Variants in KAZN observed in about 807,000 individuals in gnomAD.
The protein encoded by KAZN is kazrin.
A neutral mutation model predicts 87.4 loss-of-function variants in KAZN; 40 were observed. That is an observed-to-expected ratio of 0.46 (90% CI 0.36 to 0.60). The LOEUF (loss-of-function observed/expected upper bound fraction) is 0.60. KAZN is among the 20% of genes least tolerant of loss of function. KAZN has a pLI of 0.00. For missense variants in KAZN, 898 were observed against 1,073.9 expected, an observed-to-expected ratio of 0.84 and a Z score of 2.29; for synonymous variants, 466 against 458.3, an observed-to-expected ratio of 1.02 and a Z score of -0.22.
intron 1 of KAZN, among the ~76,000 whole-genome samples, chr1:14,084,612 G>C (rs1416349533): frequency 6.6e-6 from 1 of 151,802 alleles, no homozygotes; most frequent in Non-Finnish European, 1.5e-5. Flanking sequence ...CAATATAATA[G>C]TGGTGGAACC....
intron 1 of KAZN, among the ~76,000 whole-genome samples, chr1:14,921,493 T>C (rs1658519561): frequency 6.6e-6 from 1 of 152,218 alleles, no homozygotes; most frequent in Non-Finnish European, 1.5e-5. Context: ...TCCATATTCC[T>C]AGTAGTTCTA....
chr1:13,946,956 C>CAG (rs946092944), intron 1 of KAZN, among the ~76,000 whole-genome samples: 4 of 152,158 alleles, frequency 2.6e-5, no homozygotes, highest in African/African-American at 9.7e-5. Flanking sequence ...AGTGGGGCTG[C>CAG]ATTCTCTCTG....
At chr1:15,038,141 C>T (rs961916903) in intron 3 of KAZN, among the ~76,000 whole-genome samples, 1 of 152,084 alleles carries the variant, frequency 6.6e-6, no homozygotes, top group African/African-American at 2.4e-5. Context: ...GTAGTCCCAG[C>T]TACTTGGGAG....
intron 2 of KAZN, among the ~76,000 whole-genome samples, chr1:14,383,891 T>C (rs1242534438): frequency 6.6e-6 from 1 of 151,980 alleles, no homozygotes; most frequent in African/African-American, 2.4e-5. Flanking sequence ...ATTGAATCTG[T>C]AAATTACCTT....
chr1:14,694,212 C>T (rs571987904), intron 1 of KAZN, among the ~76,000 whole-genome samples: 132 of 152,362 alleles, frequency 8.7e-4, no homozygotes, highest in African/African-American at 3.1e-3. Context: ...GACCCCTCCA[C>T]CTCATCAGCT....
chr1:14,124,567 T>G (rs1644821527), intron 1 of KAZN, among the ~76,000 whole-genome samples: 1 of 152,228 alleles, frequency 6.6e-6, no homozygotes, highest in Admixed American at 6.5e-5. Flanking sequence ...ACCCACATTT[T>G]GATTTAAACT....
intron 1 of KAZN, among the ~76,000 whole-genome samples, chr1:13,940,592 A>G (rs1570339633): frequency 6.6e-6 from 1 of 152,220 alleles, no homozygotes; most frequent in South Asian, 2.1e-4. Context: ...AGAATACATA[A>G]AAAAGAATCA....
chr1:14,419,641 T>C (rs940673640), intron 2 of KAZN, among the ~76,000 whole-genome samples: 6 of 152,228 alleles, frequency 3.9e-5, no homozygotes, highest in Non-Finnish European at 7.3e-5. Flanking sequence ...TTGTTCCTTC[T>C]GATTTTCGGA....
intron 2 of KAZN, among the ~76,000 whole-genome samples, chr1:14,302,613 G>T (rs1431313770): frequency 1.3e-5 from 2 of 152,144 alleles, no homozygotes; most frequent in African/African-American, 4.8e-5. Context: ...TGGACTCCAT[G>T]AAATTACATG....
chr1:14,569,320 C>CTCTTTTTTTTT (rs1674719810), intron 2 of KAZN, among the ~76,000 whole-genome samples: 1 of 92,328 alleles, frequency 1.1e-5, no homozygotes, highest in Non-Finnish European at 1.9e-5. Context: ...ACTTCCTCTG[C>CTCTTTTTTTTT]TTTTTTTTTT....
intron 2 of KAZN, among the ~76,000 whole-genome samples, chr1:14,245,025 A>T (rs557896693): frequency 5.9e-5 from 9 of 151,890 alleles, no homozygotes; most frequent in African/African-American, 2.2e-4. Context: ...CAGTGGCGAG[A>T]TCTCGGCTCA....
chr1:14,455,404 T>C (rs1447121525), intron 2 of KAZN, among the ~76,000 whole-genome samples: 1 of 152,216 alleles, frequency 6.6e-6, no homozygotes, highest in East Asian at 1.9e-4. Context: ...CTTTCCATCC[T>C]GTATTACAGA....
chr1:13,961,327 G>A (rs999368594), intron 1 of KAZN, among the ~76,000 whole-genome samples: 4 of 152,184 alleles, frequency 2.6e-5, no homozygotes, highest in African/African-American at 9.7e-5. Flanking sequence ...ACATGCACAT[G>A]TACAAATTCC....
intron 1 of KAZN, among the ~76,000 whole-genome samples, chr1:14,797,368 C>T (rs1645861391): frequency 6.6e-6 from 1 of 152,150 alleles, no homozygotes; most frequent in East Asian, 1.9e-4. Flanking sequence ...GCCTATGGTG[C>T]TGTTTTTAAT....
At chr1:13,993,882 G>A (rs1639393866) in intron 1 of KAZN, among the ~76,000 whole-genome samples, 1 of 152,166 alleles carries the variant, frequency 6.6e-6, no homozygotes, top group African/African-American at 2.4e-5. Flanking sequence ...TTTTAAAAAT[G>A]GAGTCATAGT....
At chr1:14,740,854 A>G (rs550153010) in intron 1 of KAZN, among the ~76,000 whole-genome samples, 2 of 152,300 alleles carry the variant, frequency 1.3e-5, no homozygotes, top group African/African-American at 4.8e-5. Context: ...TCCAATTACT[A>G]ACTGTAGGAA....
intron 2 of KAZN, among the ~76,000 whole-genome samples, chr1:15,019,293 G>A (rs59514918): frequency 3.3e-5 from 5 of 152,186 alleles, no homozygotes; most frequent in Non-Finnish European, 7.4e-5. Flanking sequence ...ATTAAGAGCA[G>A]GGGGCTCAGA....
At chr1:14,514,621 A>T (rs1465001863) in intron 2 of KAZN, among the ~76,000 whole-genome samples, 1,010 of 43,612 alleles carry the variant, frequency 0.023, 34 homozygotes, top group Middle Eastern at 0.039. Flanking sequence ...ATATATATAT[A>T]TATATATATA....
intron 1 of KAZN, among the ~76,000 whole-genome samples, chr1:13,907,623 TC>T (rs1403885755): frequency 6.6e-6 from 1 of 152,210 alleles, no homozygotes; most frequent in Non-Finnish European, 1.5e-5. Context: ...GGTAACCCAG[TC>T]CCTGGAGCCA....
Sources: gnomAD v4.1 joint callset for allele counts (sites outside exome capture counted in the v4.1 genomes callset) on GRCh38, gnomAD v4.1.1 for gene constraint, MANE v1.5 for transcripts, NCBI Gene and HGNC (gene_info 2026-07-23, HGNC 2026-07-21) for gene names.